CAPZA2: variants seen among roughly 807,000 people sequenced by gnomAD.
The protein encoded by CAPZA2 is capping actin protein of muscle Z-line subunit alpha 2.
Under a neutral mutation model 44.0 loss-of-function variants are expected in CAPZA2, and 13 were observed. The ratio of observed to expected loss-of-function variants is 0.30; its 90% CI spans 0.19 to 0.47. The LOEUF (loss-of-function observed/expected upper bound fraction) is 0.47, where lower values mean the gene tolerates loss of function less well. CAPZA2 is among the 20% of genes least tolerant of loss of function. The probability of loss-of-function intolerance (pLI) is 1.00; values close to 1 mark genes in which losing one functional copy is unlikely to be tolerated. For synonymous variants in CAPZA2, 94 were observed against 108.2 expected (o/e 0.87, Z 0.81); for missense variants, 244 against 338.6 (o/e 0.72, Z 2.19).
chr7:116,911,934 A>G lies in CAPZA2; in HGVS notation c.586-135A>G, dbSNP rs912158792. Reference sequence around the variant, plus strand: ...GCAGGAAGAGTCTTGCTGGAGTTCAAAAGTTTTGGGGCTCAGCAGAGAAGT... The same window carrying G: ...GCAGGAAGAGTCTTGCTGGAGTTCAGAAGTTTTGGGGCTCAGCAGAGAAGT... On this transcript the variant is annotated intron_variant, in intron 7 of 9. Transcript: ENST00000361183. 2.0e-5 allele frequency: 29 copies of G among 1,454,654 alleles called. No homozygotes were observed. The Admixed American group carries it at 4.6e-4, about 23-fold the overall frequency. 90.1% of individuals were successfully genotyped at this position (1,454,654 alleles called of 1,614,324 possible).
chr7:116,863,173 G>A (rs577639639), intron 1 of CAPZA2, among the ~76,000 whole-genome samples: 1 of 152,320 alleles, frequency 6.6e-6, no homozygotes, highest in African/African-American at 2.4e-5. Flanking sequence ...CCTCCTCAAA[G>A]CAAAATGCTT....
At chr7:116,863,798 T>G (rs7786948) in intron 1 of CAPZA2, among the ~76,000 whole-genome samples, 8,391 of 152,062 alleles carry the variant, frequency 0.055, 791 homozygotes, top group African/African-American at 0.19. Context: ...TGTTGTGGTG[T>G]TTAAGAAATC....
intron 4 of CAPZA2, among the ~76,000 whole-genome samples, chr7:116,900,635 C>T (rs560334944): frequency 3.2e-4 from 49 of 151,920 alleles, no homozygotes; most frequent in African/African-American, 1.2e-3. Context: ...AAAATAGTGA[C>T]GGTCTTCTCA....
chr7:116,911,298 C>A (rs1263841376), intron 7 of CAPZA2, among the ~76,000 whole-genome samples: 2 of 152,140 alleles, frequency 1.3e-5, no homozygotes, highest in African/African-American at 4.8e-5. Flanking sequence ...TTGACATTCA[C>A]ACTGCCATCA....
chr7:116,880,696 C>CCTTTTTTTTTTTTTT (rs1796683908), intron 1 of CAPZA2, among the ~76,000 whole-genome samples: 1 of 24,686 alleles, frequency 4.1e-5, no homozygotes, highest in East Asian at 1.5e-3. Context: ...TGTAACCTGC[C>CCTTTTTTTTTTTTTT]TTTTTTTTTT....
Position 116,917,663 on chromosome 7 carries a change from A to G in CAPZA2, c.721-64A>G, listed in dbSNP as rs560029900. 3.6e-5 allele frequency: 41 copies of G among 1,123,454 alleles called. No individual in the cohort carries two copies. In the East Asian group the frequency reaches 6.4e-4, roughly 17 times the overall value. The allele number at this position is 1,123,454 out of a possible 1,614,324, so 69.6% of individuals were successfully genotyped here. A position where few individuals can be genotyped will look rare whatever the true frequency, so the allele number is the denominator to read the frequency against. On this transcript the variant is annotated intron_variant, in intron 9 of 9. Transcript: ENST00000361183. ...AATAAAACTTATTCTGAAAACATCT[A>G]TGTGCTTTATAAATTGTTCTGTTCT...
At chr7:116,869,031 T>G (rs1208949260) in intron 1 of CAPZA2, among the ~76,000 whole-genome samples, 1 of 152,188 alleles carries the variant, frequency 6.6e-6, no homozygotes, top group Non-Finnish European at 1.5e-5. Context: ...AATACAGATA[T>G]GAAAACACTT....
chr7:116,872,723 GT>G (rs1796568375), intron 1 of CAPZA2, among the ~76,000 whole-genome samples: 1 of 152,200 alleles, frequency 6.6e-6, no homozygotes, highest in African/African-American at 2.4e-5. Context: ...AATTCTTTTA[GT>G]TGAAGTGGAA....
Position 116,902,714 on chromosome 7 carries a change from T to C in CAPZA2, c.220-1463T>C, listed in dbSNP as rs144719880. 3.9e-5 allele frequency among the ~76,000 whole-genome samples: 6 copies of C among 152,236 alleles called. No homozygotes were observed. In the East Asian group the frequency reaches 1.2e-3, roughly 29 times the overall value. ...AAAAACATCAGTATGTTAAAATATATGTACAGCAATACTCATTTCACCTTT... is the reference window on the plus strand; with the variant it reads ...AAAAACATCAGTATGTTAAAATATACGTACAGCAATACTCATTTCACCTTT... On this transcript the variant is annotated intron_variant, in intron 4 of 9. Transcript: ENST00000361183.
At chr7:116,869,126 G>T (rs911418083) in intron 1 of CAPZA2, among the ~76,000 whole-genome samples, 2 of 152,172 alleles carry the variant, frequency 1.3e-5, no homozygotes, top group Non-Finnish European at 2.9e-5. Context: ...TGACCTAAAA[G>T]CCTAATCAGT....
At chr7:116,912,362 CTCT>C (rs1019186682) in intron 8 of CAPZA2, among the ~76,000 whole-genome samples, 3 of 151,754 alleles carry the variant, frequency 2.0e-5, no homozygotes, top group African/African-American at 7.3e-5. Context: ...TCAAATTTTT[CTCT>C]TTTTTTTTTG....
At chr7:116,901,993 C>T (rs1192035259) in intron 4 of CAPZA2, among the ~76,000 whole-genome samples, 1 of 150,768 alleles carries the variant, frequency 6.6e-6, no homozygotes, top group Non-Finnish European at 1.5e-5. Context: ...CCAGATAGTA[C>T]AAGTTGTTTT....
chr7:116,908,855 T>C (rs1791549863), intron 6 of CAPZA2, among the ~76,000 whole-genome samples: 1 of 152,170 alleles, frequency 6.6e-6, no homozygotes, highest in South Asian at 2.1e-4. Context: ...TCAAGACATG[T>C]TATAAAATTA....
At chr7:116,872,483 T>A (rs1796565144) in intron 1 of CAPZA2, among the ~76,000 whole-genome samples, 1 of 152,132 alleles carries the variant, frequency 6.6e-6, no homozygotes. Flanking sequence ...AAAATGATAA[T>A]TATAAAGGAA....
At chr7:116,881,727 A>C (rs952224226) in intron 1 of CAPZA2, among the ~76,000 whole-genome samples, 3 of 131,576 alleles carry the variant, frequency 2.3e-5, no homozygotes, top group Non-Finnish European at 4.7e-5. Context: ...CAGCAGAGTG[A>C]GACTCTGTCT....
rs71148338 is a variant in CAPZA2 at position 116,881,738 on chromosome 7, CAAA to C, written c.40-6366_40-6364del. Among the ~76,000 whole-genome samples the C allele has an allele frequency of 4.0e-3, 193 of 47,772 alleles. 1 individual carries two copies. Among genetic ancestry groups the C allele is most frequent in the African/African-American group, 0.012 (167 of 13,396 alleles). 31.3% of individuals were successfully genotyped at this position (47,772 alleles called of 152,430 possible). On this transcript the variant is annotated intron_variant, in intron 1 of 9. Transcript: ENST00000361183. Reference sequence around the variant, plus strand: ...TGGGCAGCAGAGTGAGACTCTGTCTCAAAAAAAAAAAAAAAAAAAAAAAAATTA... The same window carrying C: ...TGGGCAGCAGAGTGAGACTCTGTCTCAAAAAAAAAAAAAAAAAAAAAATTA...
chr7:116,870,493 A>G (rs189596135), intron 1 of CAPZA2, among the ~76,000 whole-genome samples: 30 of 152,326 alleles, frequency 2.0e-4, no homozygotes, highest in African/African-American at 7.2e-4. Flanking sequence ...GGGTTTTTCC[A>G]TCTCATCAAT....
At position 116,890,526 on chromosome 7, in the gene CAPZA2, ATATATATATATAT is replaced by A. The variant is rs1796821845; in HGVS notation, c.103+2337_103+2349del. ...TCTCTACTTAAAAAAAAAAAAAAAAATATATATATATATATATATATATATATATATATATATA... is the reference window on the plus strand; with the variant it reads ...TCTCTACTTAAAAAAAAAAAAAAAAAATATATATATATATATATATATATA... On this transcript the variant is annotated intron_variant, in intron 2 of 9. Transcript: ENST00000361183. Among the ~76,000 whole-genome samples, 99 of 28,830 alleles carry A rather than the reference ATATATATATATAT, an allele frequency of 3.4e-3. 7 individuals are homozygous for A. Among genetic ancestry groups the A allele is most frequent in the African/African-American group, 9.6e-3 (84 of 8,754 alleles). 18.9% of individuals were successfully genotyped at this position (28,830 alleles called of 152,430 possible).
chr7:116,911,067 C>G (rs1791589638), intron 7 of CAPZA2, among the ~76,000 whole-genome samples: 1 of 149,466 alleles, frequency 6.7e-6, no homozygotes, highest in Non-Finnish European at 1.5e-5. Context: ...TTAGGACAGA[C>G]AGACACCAAG....
Sources: allele counts gnomAD v4.1 joint callset (sites outside exome capture counted in the v4.1 genomes callset), GRCh38; gene constraint gnomAD v4.1.1; transcripts MANE v1.5; gene names NCBI Gene and HGNC (gene_info 2026-07-23, HGNC 2026-07-21).